Variants in SRGAP3 observed in about 807,000 individuals in gnomAD.
SRGAP3 encodes the protein SLIT-ROBO Rho GTPase activating protein 3.
Under a neutral mutation model 121.1 loss-of-function variants are expected in SRGAP3, and 39 were observed. The ratio of observed to expected loss-of-function variants is 0.32; its 90% CI spans 0.25 to 0.42. The LOEUF (loss-of-function observed/expected upper bound fraction) is 0.42, where lower values mean the gene tolerates loss of function less well. Among genes scored for constraint, SRGAP3 ranks in the 10% least tolerant of loss-of-function variants. SRGAP3 has a pLI of 1.00. For synonymous variants in SRGAP3, 601 were observed against 570.0 expected (o/e 1.05, Z -0.77); for missense variants, 1,213 against 1,470.6 (o/e 0.82, Z 2.86).
intron 1 of SRGAP3, among the ~76,000 whole-genome samples, chr3:9,241,397 T>A (rs1953631137): frequency 6.6e-6 from 1 of 152,296 alleles, no homozygotes; most frequent in East Asian, 1.9e-4. Context: ...AAATGGCTAA[T>A]ATGAACTCTC....
intron 3 of SRGAP3, among the ~76,000 whole-genome samples, chr3:9,314,446 G>C (rs1245490855): frequency 6.6e-6 from 1 of 152,078 alleles, no homozygotes; most frequent in Non-Finnish European, 1.5e-5. Context: ...AAAGAAGAAA[G>C]AAGGAAGGAG....
rs1941681289 is a variant in SRGAP3, at chr3:8,985,994, CT to C, written c.2887-63del. On this transcript the variant is annotated intron_variant, in intron 21 of 21. Transcript: ENST00000383836. The surrounding 1 kb of genome is among the most constrained non-coding windows in gnomAD (Gnocchi z 5.1). ...AGACCTGGAGTCAGGTCCTTCCTGT[CT>C]GCTAAGCAGCTTCCCTTCGTAGGCA... 2.5e-6 allele frequency: 4 copies of C among 1,598,268 alleles called. No homozygotes were observed. Among genetic ancestry groups the C allele is most frequent in the Non-Finnish European group, 3.4e-6 (4 of 1,179,432 alleles).
intron 1 of SRGAP3, among the ~76,000 whole-genome samples, chr3:9,179,837 AG>A (rs1401718046): frequency 6.6e-6 from 1 of 152,244 alleles, no homozygotes; most frequent in Non-Finnish European, 1.5e-5. Flanking sequence ...GACTAGCCCA[AG>A]GCCACATAGC....
At chr3:9,187,175 A>G (rs1359948896) in intron 1 of SRGAP3, among the ~76,000 whole-genome samples, 1 of 132,254 alleles carries the variant, frequency 7.6e-6, no homozygotes, top group East Asian at 2.2e-4. Flanking sequence ...ATGTGTTCTC[A>G]TCGTTCAACT....
intron 8 of SRGAP3, among the ~76,000 whole-genome samples, chr3:9,054,040 C>T (rs931135399): frequency 5.9e-5 from 9 of 152,212 alleles, no homozygotes; most frequent in Non-Finnish European, 1.2e-4. Context: ...TTGGTCCCCC[C>T]GATATCTTCA....
intron 2 of SRGAP3, among the ~76,000 whole-genome samples, chr3:9,327,657 T>G (rs1379010902): frequency 6.6e-6 from 1 of 152,186 alleles, no homozygotes; most frequent in Non-Finnish European, 1.5e-5. Context: ...AGCATCTAAC[T>G]CCACATGTCC....
chr3:9,172,351 C>T (rs546070220), intron 1 of SRGAP3, among the ~76,000 whole-genome samples: 70 of 152,260 alleles, frequency 4.6e-4, no homozygotes, highest in African/African-American at 1.6e-3. Context: ...GATCTACCCA[C>T]CTCAGCCTCC....
chr3:9,100,447 C>T (rs1948172126), intron 3 of SRGAP3, among the ~76,000 whole-genome samples: 1 of 152,146 alleles, frequency 6.6e-6, no homozygotes, highest in Non-Finnish European at 1.5e-5. Context: ...GAAGGTGACA[C>T]CGAGGAGGAA....
chr3:9,172,501 T>G (rs953509203), intron 1 of SRGAP3, among the ~76,000 whole-genome samples: 13 of 152,198 alleles, frequency 8.5e-5, no homozygotes, highest in Non-Finnish European at 1.6e-4. Flanking sequence ...AATCTTTTGT[T>G]GGGGGACACA....
At chr3:9,083,198 G>A (rs551344094) in intron 3 of SRGAP3, among the ~76,000 whole-genome samples, 89 of 152,220 alleles carry the variant, frequency 5.8e-4, no homozygotes, top group African/African-American at 2.1e-3. Flanking sequence ...ACACTCTCCA[G>A]TGGCCTCCTC....
chr3:9,048,834 T>A (rs1945414478), intron 9 of SRGAP3, among the ~76,000 whole-genome samples: 1 of 151,830 alleles, frequency 6.6e-6, no homozygotes, highest in African/African-American at 2.4e-5. Flanking sequence ...CACAAAAAAA[T>A]AAATAAATCA....
intron 1 of SRGAP3, among the ~76,000 whole-genome samples, chr3:9,134,047 C>T (rs1241054841): frequency 6.6e-6 from 1 of 152,326 alleles, no homozygotes; most frequent in African/African-American, 2.4e-5. Context: ...AATGCAAATC[C>T]TGCACCTCTG....
intron 18 of SRGAP3, among the ~76,000 whole-genome samples, chr3:8,998,757 G>C (rs145460301): frequency 6.6e-6 from 1 of 152,162 alleles, no homozygotes; most frequent in Admixed American, 6.5e-5. Flanking sequence ...TTTATTGCTT[G>C]CATGAACAAA....
At chr3:9,128,914 G>A (rs1005528726) in intron 1 of SRGAP3, among the ~76,000 whole-genome samples, 8 of 152,224 alleles carry the variant, frequency 5.3e-5, no homozygotes, top group African/African-American at 1.7e-4. Context: ...TATTGATGGA[G>A]AGAGGGAACA....
intron 1 of SRGAP3, among the ~76,000 whole-genome samples, chr3:9,128,592 A>T (rs1949328096): frequency 6.6e-6 from 1 of 152,230 alleles, no homozygotes; most frequent in South Asian, 2.1e-4. Context: ...AATTTCACTG[A>T]TGGATACATA....
chr3:9,110,321 C>T (rs1049060598), intron 2 of SRGAP3, among the ~76,000 whole-genome samples: 5 of 152,074 alleles, frequency 3.3e-5, no homozygotes, highest in African/African-American at 1.2e-4. Context: ...ATGATGAGTT[C>T]GAGTCGAACA....
At chr3:9,064,301 G>A in intron 5 of SRGAP3, 95 bp downstream of exon 5, 5 of 1,539,448 alleles carry the variant, frequency 3.2e-6, no homozygotes, top group South Asian at 1.2e-5. Context: ...GGGATGCAGG[G>A]GAATAAGGGG....
chr3:8,992,824 CCT>C (rs2124938419), intron 20 of SRGAP3, 80 bp downstream of exon 20: 1 of 1,610,214 alleles, frequency 6.2e-7, no homozygotes, highest in Admixed American at 1.7e-5. Flanking sequence ...CTCCTTCTCT[CCT>C]CTCTGCCCTT....
At chr3:9,032,576 G>T in intron 12 of SRGAP3, 74 bp downstream of exon 12, 1 of 1,379,890 alleles carries the variant, frequency 7.2e-7, no homozygotes, top group Non-Finnish European at 1.0e-6. Flanking sequence ...CTGTCTGCTG[G>T]CAGGGAGGCG....
Sources: gnomAD v4.1 joint callset for allele counts (sites outside exome capture counted in the v4.1 genomes callset) on GRCh38, gnomAD v4.1.1 for gene constraint, Gnocchi (gnomAD v3.1) non-coding constraint, MANE v1.5 for transcripts, NCBI Gene and HGNC (gene_info 2026-07-23, HGNC 2026-07-21) for gene names.